Variants in TENM3 observed in about 807,000 individuals in gnomAD.
The protein encoded by TENM3 is teneurin transmembrane protein 3, also known as teneurin-3.
In TENM3, 63 loss-of-function variants were observed where a neutral mutation model predicts 255.1. That is an observed-to-expected ratio of 0.25 (90% CI 0.20 to 0.30). TENM3 has a LOEUF of 0.30. TENM3 is among the 10% of genes least tolerant of loss of function. TENM3 has a pLI of 1.00. For missense variants in TENM3, 2,929 were observed against 3,461.1 expected, an observed-to-expected ratio of 0.85 and a Z score of 3.86; for synonymous variants, 1,306 against 1,322.3, an observed-to-expected ratio of 0.99 and a Z score of 0.27.
the TENM3 span, among the ~76,000 whole-genome samples, chr4:181,736,504 T>C: frequency 6.6e-6 from 1 of 151,900 alleles, no homozygotes; most frequent in Admixed American, 6.6e-5. Context: ...GGCAAATTAA[T>C]ATATACTAAC....
the TENM3 span, among the ~76,000 whole-genome samples, chr4:181,981,320 C>G: frequency 6.6e-6 from 1 of 152,170 alleles, no homozygotes; most frequent in Non-Finnish European, 1.5e-5. Flanking sequence ...TTTTGACTCT[C>G]TTACGGGCTT....
intron 1 of TENM3, among the ~76,000 whole-genome samples, chr4:182,186,017 T>C (rs1374265180): frequency 6.6e-6 from 1 of 151,952 alleles, no homozygotes. Flanking sequence ...ACGATAAGTA[T>C]AAGCACATAG....
At chr4:181,542,575 A>C in the TENM3 span, among the ~76,000 whole-genome samples, 2 of 152,234 alleles carry the variant, frequency 1.3e-5, no homozygotes, top group African/African-American at 4.8e-5. Flanking sequence ...AGAGAAGCAC[A>C]TGTATTTAAA....
intron 5 of TENM3, among the ~76,000 whole-genome samples, chr4:182,632,638 T>TA (rs752473238): frequency 1.3e-5 from 2 of 152,132 alleles, no homozygotes; most frequent in Non-Finnish European, 2.9e-5. Flanking sequence ...CAATTAAGGA[T>TA]ATGAATTTTT....
intron 3 of TENM3, among the ~76,000 whole-genome samples, chr4:182,407,686 A>G (rs1032148676): frequency 6.6e-6 from 1 of 152,138 alleles, no homozygotes; most frequent in Non-Finnish European, 1.5e-5. Context: ...ATAAAGAATG[A>G]CTCTGAATTT....
chr4:181,573,714 A>G, the TENM3 span, among the ~76,000 whole-genome samples: 4 of 152,220 alleles, frequency 2.6e-5, no homozygotes, highest in Non-Finnish European at 4.4e-5. Flanking sequence ...TAACAAACTC[A>G]GGTTATATTA....
the TENM3 span, among the ~76,000 whole-genome samples, chr4:181,610,470 C>T: frequency 6.6e-6 from 1 of 152,082 alleles, no homozygotes; most frequent in Non-Finnish European, 1.5e-5. Flanking sequence ...GCAGTTACAT[C>T]GAGCTTTTTA....
At chr4:181,977,808 G>T in the TENM3 span, among the ~76,000 whole-genome samples, 1 of 152,150 alleles carries the variant, frequency 6.6e-6, no homozygotes, top group African/African-American at 2.4e-5. Context: ...ACCATCAGGG[G>T]TGAGGTGACC....
the TENM3 span, chr4:182,085,208 G>A: frequency 4.6e-5 from 7 of 152,112 alleles, no homozygotes; most frequent in Non-Finnish European, 8.8e-5. Context: ...CCAGGGGTGA[G>A]CACTCTTTTT....
At chr4:182,163,037 GC>G (rs1394019866) in intron 1 of TENM3, among the ~76,000 whole-genome samples, 4 of 152,126 alleles carry the variant, frequency 2.6e-5, no homozygotes, top group African/African-American at 9.7e-5. Context: ...GTTCACACAT[GC>G]TGGAAGCTTA....
chr4:182,720,131 G>A (rs1759594757), intron 13 of TENM3, among the ~76,000 whole-genome samples: 1 of 152,038 alleles, frequency 6.6e-6, no homozygotes, highest in African/African-American at 2.4e-5. Context: ...AAAGGGGAGT[G>A]AAGGATTGAA....
intron 1 of TENM3, among the ~76,000 whole-genome samples, chr4:182,266,095 C>T (rs1014093561): frequency 2.0e-5 from 3 of 152,212 alleles, no homozygotes; most frequent in Non-Finnish European, 4.4e-5. Context: ...GGAGAGTCAG[C>T]TCTTATCTGC....
At chr4:182,579,511 T>C (rs1010338250) in intron 3 of TENM3, among the ~76,000 whole-genome samples, 2 of 152,256 alleles carry the variant, frequency 1.3e-5, no homozygotes, top group East Asian at 3.9e-4. Flanking sequence ...GGTGAAATAG[T>C]TGAGAAAGAG....
the TENM3 span, among the ~76,000 whole-genome samples, chr4:181,615,049 G>T: frequency 6.6e-6 from 1 of 152,140 alleles, no homozygotes; most frequent in African/African-American, 2.4e-5. Flanking sequence ...TCCACAGCTT[G>T]CTGCTGAATG....
the TENM3 span, among the ~76,000 whole-genome samples, chr4:181,997,695 G>A: frequency 6.6e-5 from 10 of 152,312 alleles, no homozygotes; most frequent in Admixed American, 3.3e-4. Flanking sequence ...AAGCTGTGGT[G>A]ATAGATTATG....
chr4:182,151,563 ACTTTTATTTCTTT>A (rs1431606663), intron 1 of TENM3, among the ~76,000 whole-genome samples: 1 of 152,066 alleles, frequency 6.6e-6, no homozygotes, highest in East Asian at 1.9e-4. Context: ...GCCAGCTGTA[ACTTTTATTTCTTT>A]CAGAATTTAT....
At chr4:181,706,807 G>A in the TENM3 span, among the ~76,000 whole-genome samples, 1 of 152,138 alleles carries the variant, frequency 6.6e-6, no homozygotes, top group Non-Finnish European at 1.5e-5. Context: ...ATTAGCCCAG[G>A]CTTCTGGCTG....
At chr4:181,967,846 T>C in the TENM3 span, among the ~76,000 whole-genome samples, 1 of 152,172 alleles carries the variant, frequency 6.6e-6, no homozygotes, top group Non-Finnish European at 1.5e-5. Context: ...GGCTTACTTC[T>C]GGACCGAGGC....
At chr4:182,602,835 T>C (rs1277028197) in intron 4 of TENM3, among the ~76,000 whole-genome samples, 2 of 152,206 alleles carry the variant, frequency 1.3e-5, no homozygotes, top group Non-Finnish European at 2.9e-5. Context: ...AAAAATTTAT[T>C]AGGAAAAAAG....
Sources: gnomAD v4.1 joint callset for allele counts (sites outside exome capture counted in the v4.1 genomes callset) on GRCh38, gnomAD v4.1.1 for gene constraint, MANE v1.5 for transcripts, NCBI Gene and HGNC (gene_info 2026-07-23, HGNC 2026-07-21) for gene names.